The following RPH3A variants were observed in gnomAD, a reference collection of about 807,000 sequenced individuals.
RPH3A encodes the protein rabphilin-3A.
RPH3A carries 48 observed loss-of-function variants against 102.2 expected under a neutral mutation model. That is an observed-to-expected ratio of 0.47 (90% CI 0.37 to 0.60). RPH3A has a LOEUF of 0.60. Among genes scored for constraint, RPH3A ranks in the 20% least tolerant of loss-of-function variants. The probability of loss-of-function intolerance (pLI) is 0.00; values close to 1 mark genes in which losing one functional copy is unlikely to be tolerated. For synonymous variants in RPH3A, 310 were observed against 324.3 expected (o/e 0.96, Z 0.47); for missense variants, 781 against 910.1 (o/e 0.86, Z 1.83).
intron 1 of RPH3A, among the ~76,000 whole-genome samples, chr12:112,584,953 C>T (rs2039427426): frequency 6.6e-6 from 1 of 152,146 alleles, no homozygotes; most frequent in Non-Finnish European, 1.5e-5. Flanking sequence ...AGCAAGAAAG[C>T]CAGTCTGAGT....
intron 18 of RPH3A, 114 bp downstream of exon 18, chr12:112,890,194 C>T (rs1043352335): frequency 1.1e-6 from 1 of 939,588 alleles, no homozygotes; most frequent in Non-Finnish European, 1.7e-6. Flanking sequence ...TCCAACCACC[C>T]CCCTGTTGAT....
intron 1 of RPH3A, among the ~76,000 whole-genome samples, chr12:112,738,770 T>C (rs1355335309): frequency 2.0e-5 from 3 of 152,200 alleles, no homozygotes; most frequent in African/African-American, 7.2e-5. Context: ...ATGCTGAACT[T>C]GTGCCCATAT....
intron 1 of RPH3A, among the ~76,000 whole-genome samples, chr12:112,696,788 C>T (rs2040355359): frequency 6.6e-6 from 1 of 152,136 alleles, no homozygotes; most frequent in Non-Finnish European, 1.5e-5. Flanking sequence ...TTTTGGTCTC[C>T]ATCATATCTC....
intron 14 of RPH3A, among the ~76,000 whole-genome samples, chr12:112,879,592 C>G (rs1436521443): frequency 6.6e-6 from 1 of 152,222 alleles, no homozygotes; most frequent in Non-Finnish European, 1.5e-5. Context: ...GAGGCCCCTT[C>G]TGCTGAAGCG....
At position 112,828,234 on chromosome 12, in the gene RPH3A, A is replaced by AG. The variant is rs955847563; in HGVS notation, c.-18-64dup. On this transcript the variant is annotated intron_variant, in intron 2 of 21. Coordinates refer to ENST00000389385, the MANE Select transcript of RPH3A (RefSeq NM_001143854.2). ...TCCCACTGGGTGTGTGGCATAAAGC[A>AG]GGGATTTGGGAACTAAGGAGTGGCT... The AG allele has an allele frequency of 2.1e-5, 22 of 1,058,416 alleles. No homozygotes were observed. In the African/African-American group the frequency reaches 3.0e-4, roughly 14 times the overall value. 65.6% of individuals were successfully genotyped at this position (1,058,416 alleles called of 1,614,324 possible).
chr12:112,701,470 A>G (rs975285171), intron 1 of RPH3A, among the ~76,000 whole-genome samples: 1 of 152,238 alleles, frequency 6.6e-6, no homozygotes, highest in Non-Finnish European at 1.5e-5. Flanking sequence ...GGTAGCTATG[A>G]GAAGGTGGGT....
intron 1 of RPH3A, chr12:112,650,807 C>T (rs1204965164): frequency 1.3e-5 from 2 of 151,774 alleles, no homozygotes; most frequent in Non-Finnish European, 2.9e-5. Flanking sequence ...TAGTTCACCG[C>T]AACCTCCGCC....
chr12:112,897,825 A>G lies in RPH3A; in HGVS notation c.*1045A>G, dbSNP rs1194855789. ...CCTGAGTGCATGGCAGCATCCCTCA[A>G]GCTGTGTAGATGCCCCATAGAGGAC... is the stretch of plus-strand genomic sequence containing the variant. On this transcript the variant is annotated 3_prime_UTR_variant, in exon 22 of 22. Coordinates refer to ENST00000389385, the MANE Select transcript of RPH3A (RefSeq NM_001143854.2). 1 of 152,170 alleles carries G rather than the reference A, an allele frequency of 6.6e-6. No homozygotes were observed. The highest frequency in any genetic ancestry group is 1.5e-5 in the Non-Finnish European group (1 of 68,056). 9.4% of individuals were successfully genotyped at this position (152,170 alleles called of 1,614,324 possible).
chr12:112,736,844 A>G (rs1418653952), intron 1 of RPH3A, among the ~76,000 whole-genome samples: 3 of 152,084 alleles, frequency 2.0e-5, no homozygotes, highest in East Asian at 3.9e-4. Context: ...ACATATGTAA[A>G]TTTAGGCTAC....
At chr12:112,582,788 A>G (rs2039409789) in intron 1 of RPH3A, among the ~76,000 whole-genome samples, 1 of 152,090 alleles carries the variant, frequency 6.6e-6, no homozygotes, top group African/African-American at 2.4e-5. Flanking sequence ...GTCATATTTC[A>G]TTGAGCGGTC....
chr12:112,862,974 G>T (rs1337609995), intron 5 of RPH3A, among the ~76,000 whole-genome samples: 1 of 152,230 alleles, frequency 6.6e-6, no homozygotes, highest in African/African-American at 2.4e-5. Flanking sequence ...TCCATGGAGG[G>T]GTGGGTGGGG....
intron 1 of RPH3A, among the ~76,000 whole-genome samples, chr12:112,610,948 T>C (rs895812264): frequency 6.6e-6 from 1 of 152,162 alleles, no homozygotes; most frequent in African/African-American, 2.4e-5. Context: ...CTAAAGTTAT[T>C]TTATGCATTT....
chr12:112,619,246 C>CTGTGTGTG lies in RPH3A; in HGVS notation c.-140+43973_-140+43980dup, dbSNP rs60894997. On this transcript the variant is annotated intron_variant, in intron 1 of 21. Coordinates refer to the RPH3A transcript ENST00000543106. Reference sequence around the variant, plus strand: ...GGAATGGAATTGCCTTATGGTAATTCTGTGTGTGTGTGTGTGTGTGTGTGT... The same window carrying CTGTGTGTG: ...GGAATGGAATTGCCTTATGGTAATTCTGTGTGTGTGTGTGTGTGTGTGTGTGTGTGTGT... Among the ~76,000 whole-genome samples the CTGTGTGTG allele has an allele frequency of 1.2e-3, 153 of 125,438 alleles. 1 individual carries two copies. Among genetic ancestry groups the CTGTGTGTG allele is most frequent in the Middle Eastern group, 3.8e-3 (1 of 262 alleles). 82.3% of individuals were successfully genotyped at this position (125,438 alleles called of 152,430 possible). A position where few individuals can be genotyped will look rare whatever the true frequency, so the allele number is the denominator to read the frequency against.
intron 1 of RPH3A, among the ~76,000 whole-genome samples, chr12:112,775,977 G>T (rs1592992903): frequency 6.9e-6 from 1 of 145,858 alleles, no homozygotes; most frequent in East Asian, 1.9e-4. Context: ...GTAGAAGTCA[G>T]GGGTGAGGGA....
chr12:112,583,000 G>A (rs565259192), intron 1 of RPH3A, among the ~76,000 whole-genome samples: 1 of 152,234 alleles, frequency 6.6e-6, no homozygotes, highest in East Asian at 1.9e-4. Context: ...CTTGCTGGGT[G>A]GGTGGCTTCG....
chr12:112,767,065 C>G (rs958247700), intron 1 of RPH3A, among the ~76,000 whole-genome samples: 12 of 152,160 alleles, frequency 7.9e-5, no homozygotes, highest in African/African-American at 2.9e-4. Flanking sequence ...TGGCAGAATG[C>G]TGTGTACCCA....
chr12:112,755,964 T>A (rs2040820211), intron 1 of RPH3A, among the ~76,000 whole-genome samples: 1 of 152,120 alleles, frequency 6.6e-6, no homozygotes, highest in African/African-American at 2.4e-5. Flanking sequence ...AAGTGGTACA[T>A]GGGGTAGAGA....
chr12:112,594,430 T>C (rs2039501115), intron 1 of RPH3A, among the ~76,000 whole-genome samples: 1 of 152,150 alleles, frequency 6.6e-6, no homozygotes, highest in African/African-American at 2.4e-5. Flanking sequence ...TATGCAGTCA[T>C]CTTTCTTCCA....
At chr12:112,808,544 C>G (rs948998657) in intron 2 of RPH3A, among the ~76,000 whole-genome samples, 1 of 152,154 alleles carries the variant, frequency 6.6e-6, no homozygotes, top group South Asian at 2.1e-4. Context: ...CTGGCTTTCC[C>G]CAGTTTCTGG....
Sources: gnomAD v4.1 joint callset for allele counts (sites outside exome capture counted in the v4.1 genomes callset) on GRCh38, gnomAD v4.1.1 for gene constraint, MANE v1.5 for transcripts, NCBI Gene and HGNC (gene_info 2026-07-23, HGNC 2026-07-21) for gene names.